PRUNE2: variants seen among roughly 807,000 people sequenced by gnomAD.
The protein encoded by PRUNE2 is protein prune homolog 2.
Under a neutral mutation model 252.0 loss-of-function variants are expected in PRUNE2, and 164 were observed. That is an observed-to-expected ratio of 0.65 (90% CI 0.57 to 0.74). The LOEUF (loss-of-function observed/expected upper bound fraction) is 0.74, where lower values mean the gene tolerates loss of function less well. Ranked by LOEUF, PRUNE2 falls within the 30% of genes least tolerant of loss-of-function variation. PRUNE2 has a pLI of 0.00. For synonymous variants in PRUNE2, 1,292 were observed against 1,350.2 expected, an observed-to-expected ratio of 0.96 and a Z score of 0.94; for missense variants, 3,495 against 3,711.0, an observed-to-expected ratio of 0.94 and a Z score of 1.51.
At chr9:76,688,385 T>C (rs1321605616) in intron 9 of PRUNE2, among the ~76,000 whole-genome samples, 1 of 152,226 alleles carries the variant, frequency 6.6e-6, no homozygotes, top group Non-Finnish European at 1.5e-5. Flanking sequence ...TCTTGTTCCA[T>C]TGAGGAGAGA....
At chr9:76,788,275 A>G in intron 6 of PRUNE2, 1 of 577,754 alleles carries the variant, frequency 1.7e-6, no homozygotes, top group Non-Finnish European at 3.1e-6. Flanking sequence ...TTAACTCACC[A>G]AACAGATATA....
Position 76,708,143 on chromosome 9 carries a change from G to A in PRUNE2, c.4131C>T (p.Cys1377=), listed in dbSNP as rs2046442740. Reference sequence around the variant, plus strand: ...GAGAGCTGATTTTGCCTGATTTAATGCAGATTTCCTGATGTTCAGATGCAA... The same window carrying A: ...GAGAGCTGATTTTGCCTGATTTAATACAGATTTCCTGATGTTCAGATGCAA... ...SLVASEHQEI[C]IKSGKISSLA... is the part of the protein sequence containing the mutation. Residue 1377 remains cysteine (C), a synonymous_variant, in exon 8 of 19, where the codon TGC becomes TGT. Transcript: ENST00000376718. 1 of 1,613,952 alleles carries A rather than the reference G, an allele frequency of 6.2e-7. No individual in the cohort carries two copies. Among genetic ancestry groups the A allele is most frequent in the Non-Finnish European group, 8.5e-7 (1 of 1,179,882 alleles).
At chr9:76,772,452 G>A (rs1020829342) in intron 6 of PRUNE2, among the ~76,000 whole-genome samples, 2 of 152,124 alleles carry the variant, frequency 1.3e-5, no homozygotes, top group Admixed American at 1.3e-4. Flanking sequence ...GGAACTGTCT[G>A]TCTCCAAGCT....
rs1163114117 is a variant in PRUNE2, at chr9:76,709,411, C to T, written c.2863G>A (p.Gly955Arg). Residue 955 changes from glycine to arginine, a missense_variant, in exon 8 of 19, where the codon GGA (glycine) becomes AGA (arginine). Coordinates refer to ENST00000376718, the MANE Select transcript of PRUNE2 (RefSeq NM_015225.3). ...AAGGGGGAAGGCACCGAATCTTCTCCTAGGTTGGATGCACTGTAATCAGAA... is the reference window on the plus strand; with the variant it reads ...AAGGGGGAAGGCACCGAATCTTCTCTTAGGTTGGATGCACTGTAATCAGAA... The part of the protein sequence containing the change: ...KCSDYSASNL[G>R]EDSVPSPLDT... 1.2e-6 allele frequency: 2 copies of T among 1,613,992 alleles called. No individual in the cohort carries two copies. The highest frequency in any genetic ancestry group is 3.3e-5 in the Admixed American group (2 of 60,022).
chr9:76,706,698 G>T lies in PRUNE2; in HGVS notation c.5576C>A (p.Ser1859Tyr). ...GGGACTGGCATTTTGGTGTACTGAAGAATTTATCTCCAACACACCACTGGA... is the reference window on the plus strand; with the variant it reads ...GGGACTGGCATTTTGGTGTACTGAATAATTTATCTCCAACACACCACTGGA... ...SDSSGVLEIN[S>Y]SVHQNASPWG... Residue 1859 changes from serine (S) to tyrosine (Y), a missense_variant, in exon 8 of 19, where the codon TCT becomes TAT. Physicochemically the swap from Ser to Tyr is moderately radical, Grantham distance 144 (BLOSUM62 -2). Transcript: ENST00000376718. 1.9e-6 allele frequency: 3 copies of T among 1,613,486 alleles called. No individual in the cohort carries two copies. The highest frequency in any genetic ancestry group is 2.5e-6 in the Non-Finnish European group (3 of 1,179,688).
chr9:76,898,938 A>G (rs566171979), intron 1 of PRUNE2, among the ~76,000 whole-genome samples: 1 of 152,346 alleles, frequency 6.6e-6, no homozygotes, highest in East Asian at 1.9e-4. Flanking sequence ...AAACAGTCCC[A>G]CTAGTTGGAC....
intron 6 of PRUNE2, among the ~76,000 whole-genome samples, chr9:76,718,854 C>T (rs1051022533): frequency 6.6e-6 from 1 of 152,164 alleles, no homozygotes; most frequent in Non-Finnish European, 1.5e-5. Flanking sequence ...TTAAATGGCA[C>T]CACCGTCTAC....
chr9:76,774,452 T>TTTTTTATTTATTTATTTATTTATTTA (rs1404326650), intron 6 of PRUNE2, among the ~76,000 whole-genome samples: 1 of 107,250 alleles, frequency 9.3e-6, no homozygotes, highest in Non-Finnish European at 1.9e-5. Flanking sequence ...GTTCAACCCT[T>TTTTTTATTTATTTATTTATTTATTTA]TTTTTTTTTT....
chr9:76,858,975 T>C (rs1394213869), intron 1 of PRUNE2, among the ~76,000 whole-genome samples: 1 of 152,112 alleles, frequency 6.6e-6, no homozygotes. Flanking sequence ...AGGGACCCAG[T>C]CTGCTGAGTA....
At chr9:76,711,916 C>T (rs1021205836) in intron 7 of PRUNE2, among the ~76,000 whole-genome samples, 4 of 152,118 alleles carry the variant, frequency 2.6e-5, no homozygotes, top group African/African-American at 7.2e-5. Context: ...GTAACGGAGG[C>T]ATGGAGCCCA....
intron 1 of PRUNE2, chr9:76,869,071 G>T (rs374095955): frequency 6.6e-6 from 1 of 152,190 alleles, no homozygotes; most frequent in Non-Finnish European, 1.5e-5. Flanking sequence ...GCCAAGACGC[G>T]CTCGAAGACT....
At chr9:76,905,876 T>C in intron 1 of PRUNE2, 52 bp downstream of exon 1, 1 of 1,611,584 alleles carries the variant, frequency 6.2e-7, no homozygotes, top group Non-Finnish European at 8.5e-7. Context: ...TCTCCACCTT[T>C]CCATTAGCAT....
intron 4 of PRUNE2, among the ~76,000 whole-genome samples, chr9:76,837,312 G>A (rs957725968): frequency 6.6e-6 from 1 of 151,920 alleles, no homozygotes; most frequent in Admixed American, 6.5e-5. Flanking sequence ...CGTGGTGGCG[G>A]GCACCTGCAG....
rs148293410 is a variant in PRUNE2, at chr9:76,705,231, G to A, written c.7043C>T (p.Ser2348Leu). The A allele has an allele frequency of 2.2e-5, 35 of 1,613,954 alleles. No individual in the cohort carries two copies. Among genetic ancestry groups the A allele is most frequent in the East Asian group, 2.0e-4 (9 of 44,882 alleles). Residue 2348 changes from serine (S) to leucine (L), a missense_variant, in exon 8 of 19, where the codon TCG becomes TTG. Coordinates refer to ENST00000376718, the MANE Select transcript of PRUNE2 (RefSeq NM_015225.3). ...TACATCATATTCAAAATCACCCCAC[G>A]AGGCTTCAGATGAGCAGATATCTTG... is the stretch of plus-strand genomic sequence containing the variant. ...GKQDICSSEA[S>L]WGDFEYDVMG...
At chr9:76,825,454 C>T (rs1436770251) in intron 5 of PRUNE2, among the ~76,000 whole-genome samples, 1 of 152,212 alleles carries the variant, frequency 6.6e-6, no homozygotes, top group Admixed American at 6.5e-5. Context: ...CATTCCATTC[C>T]CCTATCAGTG....
chr9:76,724,816 C>T lies in PRUNE2; in HGVS notation c.757-11095G>A, dbSNP rs72732643. 2.6e-3 allele frequency among the ~76,000 whole-genome samples: 394 copies of T among 152,244 alleles called. 1 individual carries two copies. Among genetic ancestry groups the T allele is most frequent in the South Asian group, 0.021 (102 of 4,828 alleles). On this transcript the variant is annotated intron_variant, in intron 6 of 18. Coordinates refer to ENST00000376718, the MANE Select transcript of PRUNE2 (RefSeq NM_015225.3). ...TTCCTCTATTGGATGGACTTAAGTG[C>T]TTGGCAAGGAAAGGGCTAGACTGCT... is the stretch of plus-strand genomic sequence containing the variant.
At chr9:76,772,492 T>C (rs1363557398) in intron 6 of PRUNE2, among the ~76,000 whole-genome samples, 1 of 152,152 alleles carries the variant, frequency 6.6e-6, no homozygotes, top group Non-Finnish European at 1.5e-5. Flanking sequence ...AAACCAAAAA[T>C]AACCTTCTGT....
chr9:76,696,510 C>T (rs2045398394), intron 9 of PRUNE2, among the ~76,000 whole-genome samples: 1 of 152,162 alleles, frequency 6.6e-6, no homozygotes, highest in Non-Finnish European at 1.5e-5. Context: ...ACTGCAACCT[C>T]CCCCACCCAG....
At chr9:76,648,204 G>A (rs1008711793) in intron 11 of PRUNE2, among the ~76,000 whole-genome samples, 1 of 150,894 alleles carries the variant, frequency 6.6e-6, no homozygotes, top group East Asian at 1.9e-4. Context: ...ACAGGAACTC[G>A]CATTCATTGC....
Sources: gnomAD v4.1 joint callset for allele counts (sites outside exome capture counted in the v4.1 genomes callset) on GRCh38, gnomAD v4.1.1 for gene constraint, MANE v1.5 for transcripts, NCBI Gene and HGNC (gene_info 2026-07-23, HGNC 2026-07-21) for gene names.